The following CRMP1 variants were observed in gnomAD, a reference collection of about 807,000 sequenced individuals.
CRMP1 encodes the protein dihydropyrimidinase-related protein 1.
In CRMP1, 19 loss-of-function variants were observed where a neutral mutation model predicts 68.3. That is an observed-to-expected ratio of 0.28 (90% CI 0.19 to 0.41). The LOEUF (loss-of-function observed/expected upper bound fraction) is 0.41, where lower values mean the gene tolerates loss of function less well. Ranked by LOEUF, CRMP1 falls within the 10% of genes least tolerant of loss-of-function variation. The pLI is 1.00. For missense variants in CRMP1, 791 were observed against 967.4 expected (o/e 0.82, Z 2.42); for synonymous variants, 439 against 399.6 (o/e 1.10, Z -1.18).
Position 5,841,278 on chromosome 4 carries a change from C to T in CRMP1, c.1153+30G>A. ...GACACCCCCTTCCAGGCCCCAGCTGCCCCCAGAAGGCCCAGGGCCGGCTGC... is the reference window on the plus strand; with the variant it reads ...GACACCCCCTTCCAGGCCCCAGCTGTCCCCAGAAGGCCCAGGGCCGGCTGC... On this transcript the variant is annotated intron_variant, in intron 8 of 13. Coordinates refer to ENST00000324989, the MANE Select transcript of CRMP1 (RefSeq NM_001014809.3). The surrounding 1 kb of genome is among the most constrained non-coding windows in gnomAD (Gnocchi z 6.9). 2 of 1,613,672 alleles carry T rather than the reference C, an allele frequency of 1.2e-6. No individual in the cohort carries two copies. The highest frequency in any genetic ancestry group is 2.2e-5 in the East Asian group (1 of 44,842).
intron 11 of CRMP1, among the ~76,000 whole-genome samples, 190 bp downstream of exon 11, chr4:5,835,725 G>A (rs1459892097): frequency 6.6e-6 from 1 of 152,232 alleles, no homozygotes; most frequent in Non-Finnish European, 1.5e-5. Flanking sequence ...AGGAGAAGCA[G>A]CTTAGTTGAG....
Position 5,870,304 on chromosome 4 carries a change from C to T in CRMP1, c.382-3548G>A, listed in dbSNP as rs532698898. Among the ~76,000 whole-genome samples, 10 of 152,308 alleles carry T rather than the reference C, an allele frequency of 6.6e-5. No individual in the cohort carries two copies. Among genetic ancestry groups the T allele is most frequent in the South Asian group, 4.1e-4 (2 of 4,828 alleles). ...CCCGTTTATGTATTCACAGTATTTA[C>T]GGCACATCTGGCAGGCTATGTATTT... On this transcript the variant is annotated intron_variant, in intron 1 of 13. Transcript: ENST00000324989. The surrounding 1 kb of genome is among the most constrained non-coding windows in gnomAD (Gnocchi z 6.0).
Position 5,835,902 on chromosome 4 carries a change from G to A in CRMP1, c.1623+13C>T, listed in dbSNP as rs887800854. Reference sequence around the variant, plus strand: ...ATCACTTATCTCAGCAGCACAAATAGGCCAGGACTTACCGACTTGTGACTT... The same window carrying A: ...ATCACTTATCTCAGCAGCACAAATAAGCCAGGACTTACCGACTTGTGACTT... On this transcript the variant is annotated intron_variant, in intron 11 of 13. Transcript: ENST00000324989. 4.6e-6 allele frequency: 7 copies of A among 1,516,338 alleles called. No homozygotes were observed. The highest frequency in any genetic ancestry group is 2.2e-5 in the Admixed American group (1 of 45,742). 93.9% of individuals were successfully genotyped at this position (1,516,338 alleles called of 1,614,324 possible). A position where few individuals can be genotyped will look rare whatever the true frequency, so the allele number is the denominator to read the frequency against.
At position 5,841,574 on chromosome 4, in the gene CRMP1, G is replaced by A; in HGVS notation, c.1033-146C>T. ...ATACTGAGTCCAACAGCGCTTGACA[G>A]TGCCCCCTGCTCTCCGGGGTGGAGC... On this transcript the variant is annotated intron_variant, in intron 7 of 13. Transcript: ENST00000324989. This position sits in a 1 kb window ranked among gnomAD's most constrained non-coding sequence, Gnocchi z 6.9. 3 of 1,276,678 alleles carry A rather than the reference G, an allele frequency of 2.3e-6. No individual in the cohort carries two copies. Among genetic ancestry groups the A allele is most frequent in the Middle Eastern group, 2.4e-4 (1 of 4,196 alleles). The allele number at this position is 1,276,678 out of a possible 1,614,324, so 79.1% of individuals were successfully genotyped here. A position where few individuals can be genotyped will look rare whatever the true frequency, so the allele number is the denominator to read the frequency against.
intron 6 of CRMP1, among the ~76,000 whole-genome samples, chr4:5,845,419 G>A (rs867284924): frequency 1.3e-5 from 2 of 152,254 alleles, no homozygotes; most frequent in Non-Finnish European, 2.9e-5. Context: ...ACCGAGGGAG[G>A]CCTCTGGCCA....
Position 5,879,851 on chromosome 4 carries a change from A to G in CRMP1, c.381+12738T>C, listed in dbSNP as rs896414686. Among the ~76,000 whole-genome samples the G allele has an allele frequency of 2.1e-5, 3 of 144,862 alleles. No homozygotes were observed. Among genetic ancestry groups the G allele is most frequent in the Non-Finnish European group, 3.0e-5 (2 of 66,480 alleles). On this transcript the variant is annotated intron_variant, in intron 1 of 13. Transcript: ENST00000324989. This position sits in a 1 kb window ranked among gnomAD's most constrained non-coding sequence, Gnocchi z 4.2. The stretch of plus-strand genomic sequence containing the variant: ...TATTCTGCATGTTCAGAAATAAAAT[A>G]TAGCAAAAAAAAAAATGAGACGAAA...
At position 5,865,638 on chromosome 4, in the gene CRMP1, G is replaced by T. The variant is rs1463094106; in HGVS notation, c.470+1030C>A. 7.0e-6 allele frequency among the ~76,000 whole-genome samples: 1 copy of T among 142,170 alleles called. No homozygotes were observed. The highest frequency in any genetic ancestry group is 2.1e-4 in the East Asian group (1 of 4,878). 93.3% of individuals were successfully genotyped at this position (142,170 alleles called of 152,430 possible). On this transcript the variant is annotated intron_variant, in intron 2 of 13. Transcript: ENST00000324989. This position sits in a 1 kb window ranked among gnomAD's most constrained non-coding sequence, Gnocchi z 4.1. ...CCGTCTCAAAAAAAAAAAAAAAAAA[G>T]AAGGCCGCCGCCTACAGACCCCTGC...
At chr4:5,851,322 C>T (rs556026885) in intron 5 of CRMP1, 86 bp downstream of exon 5, 1 of 1,201,094 alleles carries the variant, frequency 8.3e-7, no homozygotes, top group East Asian at 2.3e-5. Flanking sequence ...TTCTCACAAT[C>T]TCCCTTGCCC....
Position 5,839,688 on chromosome 4 carries a change from G to A in CRMP1, c.1154-10C>T. 2 of 1,557,404 alleles carry A rather than the reference G, an allele frequency of 1.3e-6. No individual in the cohort carries two copies. Among genetic ancestry groups the A allele is most frequent in the Non-Finnish European group, 1.7e-6 (2 of 1,161,382 alleles). ...CCAAAAACTAGGGGCCCTTAGGAGG[G>A]GAAAACATAAGCCTGGTTAAAAGCA... On this transcript the variant is annotated splice_polypyrimidine_tract_variant and intron_variant, in intron 8 of 13. Transcript: ENST00000324989.
chr4:5,842,493 G>A lies in CRMP1; in HGVS notation c.1032+600C>T, dbSNP rs890716856. Among the ~76,000 whole-genome samples, 12 of 151,304 alleles carry A rather than the reference G, an allele frequency of 7.9e-5. No individual in the cohort carries two copies. The highest frequency in any genetic ancestry group is 2.9e-4 in the African/African-American group (12 of 41,162). On this transcript the variant is annotated intron_variant, in intron 7 of 13. Transcript: ENST00000324989. This position sits in a 1 kb window ranked among gnomAD's most constrained non-coding sequence, Gnocchi z 4.5. Reference sequence around the variant, plus strand: ...AAAAGAAGGTGTCCTCAACTCAAAGGATGGCTGCCAGGGTGCCCACTCTAT... The same window carrying A: ...AAAAGAAGGTGTCCTCAACTCAAAGAATGGCTGCCAGGGTGCCCACTCTAT...
intron 1 of CRMP1, among the ~76,000 whole-genome samples, chr4:5,878,086 T>A (rs886387043): frequency 6.6e-6 from 1 of 152,254 alleles, no homozygotes; most frequent in Non-Finnish European, 1.5e-5. Flanking sequence ...GTTTTCATTT[T>A]TAATTCTTAA....
chr4:5,888,546 TC>T lies in CRMP1; in HGVS notation c.381+4042del. On this transcript the variant is annotated intron_variant, in intron 1 of 13. Coordinates refer to ENST00000324989, the MANE Select transcript of CRMP1 (RefSeq NM_001014809.3). The surrounding 1 kb of genome is among the most constrained non-coding windows in gnomAD (Gnocchi z 6.4). ...GGAGGAGGGGGCTGCAGACAGCTCC[TC>T]CCGGCGGCGCGGAGCGAAGCCGGAT... 1 of 1,143,788 alleles carries T rather than the reference TC, an allele frequency of 8.7e-7. No individual in the cohort carries two copies. Among genetic ancestry groups the T allele is most frequent in the Non-Finnish European group, 1.1e-6 (1 of 931,620 alleles). 70.9% of individuals were successfully genotyped at this position (1,143,788 alleles called of 1,614,324 possible).
intron 1 of CRMP1, among the ~76,000 whole-genome samples, chr4:5,874,797 A>C (rs1461768324): frequency 6.6e-6 from 1 of 152,204 alleles, no homozygotes; most frequent in Non-Finnish European, 1.5e-5. Context: ...GGGAGAAAAG[A>C]ATACATGGAC....
rs1396754744 is a variant in CRMP1 at position 5,821,971 on chromosome 4, C to G, written c.1970-120G>C. On this transcript the variant is annotated intron_variant, in intron 13 of 13. Transcript: ENST00000324989. The surrounding 1 kb of genome is among the most constrained non-coding windows in gnomAD (Gnocchi z 4.4). The stretch of plus-strand genomic sequence containing the variant: ...GACCCACCTTCATTCAGGGCTCAGT[C>G]CAGGACCAGCCATGGGAAGCCTCCC... 2 of 718,014 alleles carry G rather than the reference C, an allele frequency of 2.8e-6. No individual in the cohort carries two copies. Among genetic ancestry groups the G allele is most frequent in the Non-Finnish European group, 4.1e-6 (2 of 488,912 alleles). 44.5% of individuals were successfully genotyped at this position (718,014 alleles called of 1,614,324 possible). A position where few individuals can be genotyped will look rare whatever the true frequency, so the allele number is the denominator to read the frequency against.
intron 11 of CRMP1, among the ~76,000 whole-genome samples, chr4:5,833,690 G>A (rs1045456260): frequency 2.0e-5 from 3 of 152,166 alleles, no homozygotes; most frequent in African/African-American, 7.2e-5. Flanking sequence ...GCTGGATTGT[G>A]ATGATAATCA....
intron 13 of CRMP1, among the ~76,000 whole-genome samples, chr4:5,822,520 C>T (rs1212839350): frequency 6.6e-6 from 1 of 151,264 alleles, no homozygotes; most frequent in Non-Finnish European, 1.5e-5. Context: ...TGCAGAGGTT[C>T]TTAATTTTAA....
rs555423977 is a variant in CRMP1 at position 5,872,558 on chromosome 4, G to T, written c.382-5802C>A. Among the ~76,000 whole-genome samples the T allele has an allele frequency of 4.6e-5, 7 of 152,252 alleles. No homozygotes were observed. Among genetic ancestry groups the T allele is most frequent in the African/African-American group, 1.4e-4 (6 of 41,548 alleles). ...AAAAATTAGTTGGGCGTGGTGGCAG[G>T]CACCTGTAATCCCAGCTACTCGGGA... is the stretch of plus-strand genomic sequence containing the variant. On this transcript the variant is annotated intron_variant, in intron 1 of 13. Transcript: ENST00000324989. The surrounding 1 kb of genome is among the most constrained non-coding windows in gnomAD (Gnocchi z 4.6).
intron 13 of CRMP1, chr4:5,824,571 T>C (rs1719231611): frequency 1.3e-5 from 13 of 975,714 alleles, no homozygotes; most frequent in Non-Finnish European, 1.6e-5. Flanking sequence ...AACGGGTCCA[T>C]TGACCAAATC....
At chr4:5,848,528 C>T (rs981370663) in intron 6 of CRMP1, among the ~76,000 whole-genome samples, 1 of 152,194 alleles carries the variant, frequency 6.6e-6, no homozygotes, top group African/African-American at 2.4e-5. Context: ...CACTCCACAG[C>T]TAGAATTATC....
Sources: allele counts gnomAD v4.1 joint callset (sites outside exome capture counted in the v4.1 genomes callset), GRCh38; gene constraint gnomAD v4.1.1; non-coding constraint Gnocchi (gnomAD v3.1); transcripts MANE v1.5; gene names NCBI Gene and HGNC (gene_info 2026-07-23, HGNC 2026-07-21).